Variants in SAMSN1 observed in about 807,000 individuals in gnomAD.
SAMSN1 encodes SAM domain-containing protein SAMSN-1.
A neutral mutation model predicts 42.0 loss-of-function variants in SAMSN1; 31 were observed. The observed-to-expected ratio is 0.74, with a 90% CI of 0.55 to 1.00. SAMSN1 has a LOEUF of 1.00. Among genes scored for constraint, SAMSN1 ranks in the 50% least tolerant of loss-of-function variants. SAMSN1 has a pLI of 0.00. For missense variants in SAMSN1, 464 were observed against 439.4 expected, an observed-to-expected ratio of 1.06 and a Z score of -0.50; for synonymous variants, 178 against 151.9, an observed-to-expected ratio of 1.17 and a Z score of -1.26.
chr21:14,652,884 T>C (rs1983858545), intron 1 of SAMSN1, among the ~76,000 whole-genome samples: 1 of 151,988 alleles, frequency 6.6e-6, no homozygotes, highest in East Asian at 1.9e-4. Flanking sequence ...AGAATTTGAA[T>C]AGACATTTCC....
intron 1 of SAMSN1, among the ~76,000 whole-genome samples, chr21:14,651,646 T>A (rs1983839226): frequency 1.3e-5 from 2 of 151,940 alleles, no homozygotes; most frequent in Admixed American, 1.3e-4. Flanking sequence ...CTCACCAGTG[T>A]TATTCCACAT....
At chr21:14,557,319 G>T (rs1568807325) in intron 2 of SAMSN1, among the ~76,000 whole-genome samples, 1 of 152,054 alleles carries the variant, frequency 6.6e-6, no homozygotes, top group Non-Finnish European at 1.5e-5. Context: ...ATTATTGTTG[G>T]GATTAAATTG....
intron 7 of SAMSN1, among the ~76,000 whole-genome samples, chr21:14,493,090 GC>G (rs1271921500): frequency 6.6e-6 from 1 of 152,168 alleles, no homozygotes; most frequent in South Asian, 2.1e-4. Flanking sequence ...GCTGCGGCCC[GC>G]CATTTGCCCT....
intron 2 of SAMSN1, among the ~76,000 whole-genome samples, chr21:14,576,755 G>A (rs988479344): frequency 1.8e-4 from 27 of 151,896 alleles, no homozygotes; most frequent in African/African-American, 6.3e-4. Context: ...CTTTGTTTAT[G>A]TTCTCACCTT....
At chr21:14,510,012 G>A (rs895918856) in intron 5 of SAMSN1, among the ~76,000 whole-genome samples, 16 of 151,994 alleles carry the variant, frequency 1.1e-4, no homozygotes, top group Admixed American at 3.9e-4. Flanking sequence ...GGTGGCGGGC[G>A]CCTGTAGTCC....
intron 7 of SAMSN1, among the ~76,000 whole-genome samples, chr21:14,491,269 T>G (rs984856664): frequency 8.0e-6 from 1 of 125,558 alleles, no homozygotes. Context: ...TGGCTTTCCC[T>G]TTTTTTTTTT....
At chr21:14,607,639 T>C (rs1465376731) in intron 5 of SAMSN1, among the ~76,000 whole-genome samples, 1 of 152,222 alleles carries the variant, frequency 6.6e-6, no homozygotes, top group African/African-American at 2.4e-5. Flanking sequence ...CTTCCTTCTC[T>C]GACAAAGCAA....
At chr21:14,530,439 TA>T (rs945621295) in intron 1 of SAMSN1, among the ~76,000 whole-genome samples, 1 of 152,004 alleles carries the variant, frequency 6.6e-6, no homozygotes, top group Non-Finnish European at 1.5e-5. Flanking sequence ...CACTGGATGA[TA>T]AAAAATGTGT....
intron 1 of SAMSN1, among the ~76,000 whole-genome samples, chr21:14,651,202 C>A (rs1223368696): frequency 6.6e-6 from 1 of 151,356 alleles, no homozygotes; most frequent in Admixed American, 6.6e-5. Flanking sequence ...ACTGTGATAC[C>A]AAAACCAGAC....
chr21:14,654,289 T>A (rs1052866649), intron 1 of SAMSN1, among the ~76,000 whole-genome samples: 4 of 152,028 alleles, frequency 2.6e-5, no homozygotes, highest in African/African-American at 9.7e-5. Context: ...GATTTGCTGT[T>A]TCCGCTTTTA....
intron 2 of SAMSN1, among the ~76,000 whole-genome samples, chr21:14,630,636 T>C (rs1983304606): frequency 6.6e-6 from 1 of 152,118 alleles, no homozygotes; most frequent in African/African-American, 2.4e-5. Context: ...CAGGAAACAA[T>C]AAAAATGAAA....
chr21:14,644,271 T>C (rs1370876532), intron 1 of SAMSN1, among the ~76,000 whole-genome samples: 1 of 151,992 alleles, frequency 6.6e-6, no homozygotes, highest in Non-Finnish European at 1.5e-5. Flanking sequence ...CCCTTCCTTC[T>C]GCTTGAGGAG....
intron 2 of SAMSN1, among the ~76,000 whole-genome samples, chr21:14,625,888 G>A (rs1000120253): frequency 1.3e-5 from 2 of 152,126 alleles, no homozygotes; most frequent in Non-Finnish European, 2.9e-5. Context: ...ATACTACAAG[G>A]CTACAGTAAC....
At position 14,500,625 on chromosome 21, in the gene SAMSN1, T is replaced by C. The variant is rs369688141; in HGVS notation, c.672A>G (p.Glu224=). 7.1e-5 allele frequency: 115 copies of C among 1,614,172 alleles called. 2 individuals are homozygous for C. The East Asian group carries it at 1.2e-3, about 17-fold the overall frequency. Residue 224 remains glutamate, a synonymous_variant, in exon 6 of 8, where the codon GAA becomes GAG. Transcript: ENST00000400566. ...FKFIYVDVIS[E]EEAAPKKIKA... The stretch of plus-strand genomic sequence containing the variant: ...TTATTTTCTTGGGGGCTGCTTCCTC[T>C]TCTGAGATGACATCCACATAAATGA...
At chr21:14,649,643 A>T (rs1983792718) in intron 1 of SAMSN1, among the ~76,000 whole-genome samples, 1 of 151,738 alleles carries the variant, frequency 6.6e-6, no homozygotes. Flanking sequence ...GATGGCACAC[A>T]CCTGTAATCC....
At chr21:14,625,908 A>G (rs1983154736) in intron 2 of SAMSN1, among the ~76,000 whole-genome samples, 1 of 152,244 alleles carries the variant, frequency 6.6e-6, no homozygotes, top group Non-Finnish European at 1.5e-5. Context: ...CCAAAACAGC[A>G]TGGTACTGGT....
At chr21:14,500,431 C>T (rs2123687226) in intron 6 of SAMSN1, 98 bp downstream of exon 6, 1 of 982,654 alleles carries the variant, frequency 1.0e-6, no homozygotes, top group Non-Finnish European at 1.5e-6. Flanking sequence ...GCTTGCAAGA[C>T]TTGTATTTTT....
At chr21:14,634,201 TA>T (rs34278366) in intron 2 of SAMSN1, among the ~76,000 whole-genome samples, 1 of 151,142 alleles carries the variant, frequency 6.6e-6, no homozygotes, top group Non-Finnish European at 1.5e-5. Context: ...CCCAAAACTA[TA>T]AAAAAAACCC....
At position 14,500,586 on chromosome 21, in the gene SAMSN1, C is replaced by G; in HGVS notation, c.711G>C (p.Arg237Ser). Reference protein sequence around the residue: ...AAPKKIKANRRSNSKKSKTLQ... With the variant: ...AAPKKIKANRSSNSKKSKTLQ... Reference sequence around the variant, plus strand: ...GAGTCTTGGATTTTTTGCTGTTACTCCTTCGGTTTGCCTTTATTTTCTTGG... The same window carrying G: ...GAGTCTTGGATTTTTTGCTGTTACTGCTTCGGTTTGCCTTTATTTTCTTGG... The change falls in exon 6 of 8, where the codon AGG (arginine) becomes AGC (serine). Residue 237 changes from arginine (R) to serine (S), a missense_variant. Physicochemically the swap from Arg to Ser is moderately radical, Grantham distance 110 (BLOSUM62 -1). Coordinates refer to ENST00000400566, the MANE Select transcript of SAMSN1 (RefSeq NM_022136.5). 6.2e-7 allele frequency: 1 copy of G among 1,614,122 alleles called. No homozygotes were observed. The highest frequency in any genetic ancestry group is 8.5e-7 in the Non-Finnish European group (1 of 1,180,018).
Sources: allele counts gnomAD v4.1 joint callset (sites outside exome capture counted in the v4.1 genomes callset), GRCh38; gene constraint gnomAD v4.1.1; transcripts MANE v1.5; gene names NCBI Gene and HGNC (gene_info 2026-07-23, HGNC 2026-07-21).